Variants in EPB41L2 observed in about 807,000 individuals in gnomAD.
EPB41L2 encodes band 4.1-like protein 2.
Under a neutral mutation model 113.0 loss-of-function variants are expected in EPB41L2, and 43 were observed. The observed-to-expected ratio is 0.38, with a 90% CI of 0.30 to 0.49. The LOEUF is 0.49. Among genes scored for constraint, EPB41L2 ranks in the 20% least tolerant of loss-of-function variants. EPB41L2 has a pLI of 0.95. For missense variants in EPB41L2, 1,147 were observed against 1,223.4 expected (o/e 0.94, Z 0.93); for synonymous variants, 442 against 436.7 (o/e 1.01, Z -0.15).
chr6:130,989,522 A>G (rs754741536), intron 1 of EPB41L2, among the ~76,000 whole-genome samples: 23 of 152,120 alleles, frequency 1.5e-4, no homozygotes, highest in Non-Finnish European at 2.4e-4. Flanking sequence ...ATTTGGTGGG[A>G]GAGAAACTGG....
In EPB41L2 at chr6:130,992,946, G is replaced by C. The variant is rs545989765; in HGVS notation, c.-14-36447C>G. Among the ~76,000 whole-genome samples the C allele has an allele frequency of 2.6e-5, 4 of 152,186 alleles. No homozygotes were observed. In the South Asian group the frequency reaches 8.3e-4, roughly 32 times the overall value. ...GCCCCAATTCCAATTCTTAGTATCAGTCTGTCTTACTGTGAACTCAGCAGC... is the reference window on the plus strand; with the variant it reads ...GCCCCAATTCCAATTCTTAGTATCACTCTGTCTTACTGTGAACTCAGCAGC... On this transcript the variant is annotated intron_variant, in intron 1 of 19. Coordinates refer to ENST00000337057, the MANE Select transcript of EPB41L2 (RefSeq NM_001431.4).
intron 16 of EPB41L2, among the ~76,000 whole-genome samples, chr6:130,866,018 G>A (rs1278514368): frequency 1.3e-5 from 2 of 152,178 alleles, no homozygotes. Context: ...TTTAAGCACA[G>A]GTGGGTAAAA....
chr6:131,000,896 A>G (rs1784208254), intron 1 of EPB41L2: 1 of 152,252 alleles, frequency 6.6e-6, no homozygotes, highest in Non-Finnish European at 1.5e-5. Flanking sequence ...TTTTCCAATC[A>G]TGAAATGAAT....
intron 12 of EPB41L2, chr6:130,880,580 T>C: frequency 1.8e-6 from 1 of 541,344 alleles, no homozygotes; most frequent in South Asian, 3.0e-5. Flanking sequence ...TGAACTTAAA[T>C]GGTGAACCAG....
At chr6:130,847,153 G>A (rs570455025) in intron 19 of EPB41L2, among the ~76,000 whole-genome samples, 7 of 152,194 alleles carry the variant, frequency 4.6e-5, no homozygotes, top group South Asian at 4.1e-4. Context: ...TGCTTTTCCC[G>A]ACATCCTTCC....
intron 3 of EPB41L2, among the ~76,000 whole-genome samples, chr6:130,952,709 C>T (rs1018768975): frequency 6.6e-6 from 1 of 151,746 alleles, no homozygotes; most frequent in African/African-American, 2.4e-5. Context: ...ACACAGGACG[C>T]TGAGGCAGAA....
At chr6:130,865,019 G>C (rs1166876600) in intron 17 of EPB41L2, among the ~76,000 whole-genome samples, 1 of 152,174 alleles carries the variant, frequency 6.6e-6, no homozygotes, top group African/African-American at 2.4e-5. Context: ...ACAATGCCCC[G>C]GGTGAAGCTG....
At chr6:131,033,032 C>T (rs1208776942) in intron 1 of EPB41L2, among the ~76,000 whole-genome samples, 3 of 152,046 alleles carry the variant, frequency 2.0e-5, no homozygotes, top group African/African-American at 4.8e-5. Context: ...CTTGCCACCA[C>T]ACCTGGCTAA....
At chr6:130,841,360 T>C (rs1324702477) in intron 19 of EPB41L2, among the ~76,000 whole-genome samples, 1 of 152,082 alleles carries the variant, frequency 6.6e-6, no homozygotes, top group Non-Finnish European at 1.5e-5. Flanking sequence ...TGGCCAGTCA[T>C]GCAGGGCATG....
At chr6:131,023,088 T>TA (rs943058202) in intron 1 of EPB41L2, among the ~76,000 whole-genome samples, 6 of 152,224 alleles carry the variant, frequency 3.9e-5, no homozygotes, top group East Asian at 1.9e-4. Flanking sequence ...TAGTATGTCC[T>TA]AAAAAACTAC....
chr6:130,883,251 A>G, intron 12 of EPB41L2: 1 of 152,822 alleles, frequency 6.5e-6, no homozygotes, highest in Non-Finnish European at 1.5e-5. Flanking sequence ...AGAGAGAAAG[A>G]GGACAAAAGA....
chr6:130,955,824 G>A (rs1817259983), intron 2 of EPB41L2, among the ~76,000 whole-genome samples, 170 bp downstream of exon 2: 1 of 152,148 alleles, frequency 6.6e-6, no homozygotes. Context: ...TTTTCAAGGA[G>A]TAACAGGGAA....
chr6:130,850,871 T>C (rs1024812844), intron 19 of EPB41L2, among the ~76,000 whole-genome samples: 17 of 152,194 alleles, frequency 1.1e-4, no homozygotes, highest in African/African-American at 4.1e-4. Flanking sequence ...AAATAGATTG[T>C]AACTGACTCA....
chr6:130,923,791 C>T (rs1241177151), intron 4 of EPB41L2, among the ~76,000 whole-genome samples: 1 of 152,174 alleles, frequency 6.6e-6, no homozygotes, highest in South Asian at 2.1e-4. Context: ...GCAGCGAGCA[C>T]GCTGGTTTGT....
At chr6:131,048,005 G>A (rs1795787026) in intron 1 of EPB41L2, among the ~76,000 whole-genome samples, 1 of 151,688 alleles carries the variant, frequency 6.6e-6, no homozygotes, top group South Asian at 2.1e-4. Flanking sequence ...CAGGCATAGT[G>A]GCGGGTACAT....
At chr6:130,966,028 T>C (rs548843203) in intron 1 of EPB41L2, among the ~76,000 whole-genome samples, 19 of 147,420 alleles carry the variant, frequency 1.3e-4, no homozygotes, top group Non-Finnish European at 2.7e-4. Context: ...TGATGAGCTT[T>C]AAAAAAAAAA....
At chr6:131,053,547 G>A (rs1395632240) in intron 1 of EPB41L2, among the ~76,000 whole-genome samples, 4 of 151,752 alleles carry the variant, frequency 2.6e-5, no homozygotes, top group South Asian at 2.1e-4. Context: ...ACAGCCCTTC[G>A]TATTTATTGG....
At chr6:131,035,501 T>C (rs963717399) in intron 1 of EPB41L2, among the ~76,000 whole-genome samples, 1 of 152,206 alleles carries the variant, frequency 6.6e-6, no homozygotes, top group African/African-American at 2.4e-5. Context: ...AGTCAAAAGT[T>C]ATGATCTTTC....
intron 19 of EPB41L2, among the ~76,000 whole-genome samples, chr6:130,854,033 G>A (rs1003418893): frequency 2.0e-5 from 3 of 152,090 alleles, no homozygotes; most frequent in African/African-American, 4.8e-5. Context: ...GAGACACTGA[G>A]GTCATTCCTA....
Sources: allele counts gnomAD v4.1 joint callset (sites outside exome capture counted in the v4.1 genomes callset), GRCh38; gene constraint gnomAD v4.1.1; transcripts MANE v1.5; gene names NCBI Gene and HGNC (gene_info 2026-07-23, HGNC 2026-07-21).